Variants in BBS7 observed in about 807,000 individuals in gnomAD.
BBS7 encodes Bardet-Biedl syndrome 7.
Under a neutral mutation model 90.3 loss-of-function variants are expected in BBS7, and 50 were observed. The observed-to-expected ratio is 0.55, with a 90% CI of 0.44 to 0.70. BBS7 has a LOEUF of 0.70. BBS7 is among the 30% of genes least tolerant of loss of function. The probability of loss-of-function intolerance (pLI) is 0.00; values close to 1 mark genes in which losing one functional copy is unlikely to be tolerated. For missense variants in BBS7, 729 were observed against 838.9 expected (o/e 0.87, Z 1.62); for synonymous variants, 235 against 287.4 (o/e 0.82, Z 1.85).
chr4:121,827,785 T>C, intron 18 of BBS7: 1 of 945,324 alleles, frequency 1.1e-6, no homozygotes, highest in Non-Finnish European at 1.3e-6. Flanking sequence ...ATTTTTATAA[T>C]TCACAATAGC....
chr4:121,841,911 CTGTTA>C (rs1725758424), intron 12 of BBS7, among the ~76,000 whole-genome samples: 3 of 151,928 alleles, frequency 2.0e-5, no homozygotes, highest in Admixed American at 2.0e-4. Flanking sequence ...TATAATACAA[CTGTTA>C]TAAAATCGCT....
chr4:121,870,237 G>A (rs372808420), intron 1 of BBS7, 41 bp downstream of exon 1: 6 of 1,613,010 alleles, frequency 3.7e-6, no homozygotes, highest in African/African-American at 1.3e-5. Flanking sequence ...CCGGGTGCTG[G>A]GCTTGCCCAG....
At chr4:121,842,251 C>CAAAAAA (rs1270788731) in intron 12 of BBS7, among the ~76,000 whole-genome samples, 89 of 65,124 alleles carry the variant, frequency 1.4e-3, no homozygotes, top group East Asian at 2.4e-3. Flanking sequence ...GACTCCATCT[C>CAAAAAA]AAAAAAAAAA....
chr4:121,858,595 G>A, intron 5 of BBS7: 1 of 201,402 alleles, frequency 5.0e-6, no homozygotes, highest in South Asian at 8.8e-5. Context: ...ATAAACACTG[G>A]ATAAACTCAA....
chr4:121,834,505 T>C (rs552370102), intron 14 of BBS7, among the ~76,000 whole-genome samples: 1 of 152,322 alleles, frequency 6.6e-6, no homozygotes, highest in South Asian at 2.1e-4. Context: ...TTTAGTCCTT[T>C]TATCAGCAAG....
In BBS7 at chr4:121,845,694, T is replaced by C. The variant is rs1343706484; in HGVS notation, c.1040A>G (p.Asn347Ser). ...EMQNKISSLR[N>S]ELEHLQYKVL... ...CTTATACTGCAAATGTTCCAACTCATTCCTGGAGAAAAACACATACAAATT... is the reference window on the plus strand; with the variant it reads ...CTTATACTGCAAATGTTCCAACTCACTCCTGGAGAAAAACACATACAAATT... Residue 347 changes from asparagine to serine, a missense_variant and splice_region_variant, in exon 11 of 19, where the codon AAT becomes AGT. By Grantham distance (46) the Asn-to-Ser change is conservative. Coordinates refer to ENST00000264499, the MANE Select transcript of BBS7 (RefSeq NM_176824.3). 2 of 1,611,180 alleles carry C rather than the reference T, an allele frequency of 1.2e-6. No homozygotes were observed. The highest frequency in any genetic ancestry group is 2.2e-5 in the South Asian group (2 of 90,970).
intron 12 of BBS7, 66 bp downstream of exon 12, chr4:121,843,861 G>T: frequency 1.9e-6 from 2 of 1,038,596 alleles, no homozygotes; most frequent in South Asian, 2.7e-5. Context: ...AGCATCTATA[G>T]ACTTTAATCA....
intron 2 of BBS7, among the ~76,000 whole-genome samples, chr4:121,865,677 A>T (rs1446140588): frequency 6.6e-6 from 1 of 152,202 alleles, no homozygotes; most frequent in Non-Finnish European, 1.5e-5. Context: ...ATAAAACATG[A>T]GGCTGCAGTT....
intron 12 of BBS7, among the ~76,000 whole-genome samples, chr4:121,840,837 AT>A (rs1260236628): frequency 6.6e-6 from 1 of 150,630 alleles, no homozygotes; most frequent in Non-Finnish European, 1.5e-5. Context: ...AAGTAAATAT[AT>A]TCTTTTTTTT....
At chr4:121,826,946 T>C (rs1724944399) in intron 18 of BBS7, among the ~76,000 whole-genome samples, 1 of 152,220 alleles carries the variant, frequency 6.6e-6, no homozygotes, top group African/African-American at 2.4e-5. Flanking sequence ...ATCGCGCCAC[T>C]GACTCCAGCC....
At position 121,833,383 on chromosome 4, in the gene BBS7, TG is replaced by T; in HGVS notation, c.1523del (p.Thr508AsnfsTer2). 6.2e-7 allele frequency: 1 copy of T among 1,613,982 alleles called. No individual in the cohort carries two copies. Among genetic ancestry groups the T allele is most frequent in the Non-Finnish European group, 8.5e-7 (1 of 1,179,908 alleles). On this transcript the variant is annotated frameshift_variant, in exon 15 of 19. Transcript: ENST00000264499. LOFTEE classifies it high-confidence loss of function. ...HFIDHDRPMN[T>X]LTLTGQFSFA... Reference sequence around the variant, plus strand: ...AACTGAACTGGCCTGTTAGGGTCAGTGTATTCATGGGTCTGTAATATAATAG... The same window carrying T: ...AACTGAACTGGCCTGTTAGGGTCAGTTATTCATGGGTCTGTAATATAATAG...
At chr4:121,867,419 T>C (rs761464421) in intron 2 of BBS7, among the ~76,000 whole-genome samples, 2 of 152,294 alleles carry the variant, frequency 1.3e-5, no homozygotes, top group East Asian at 3.9e-4. Flanking sequence ...TTCTTTTTCT[T>C]GTATAATTGC....
intron 18 of BBS7, 85 bp from the exon 19 acceptor site, chr4:121,826,078 C>A: frequency 1.7e-6 from 2 of 1,154,908 alleles, no homozygotes; most frequent in Non-Finnish European, 1.2e-6. Flanking sequence ...GCTTGATAAT[C>A]TATTTTTAAG....
At chr4:121,844,079 T>G (rs1341014793) in intron 11 of BBS7, 78 bp from the exon 12 acceptor site, 3 of 850,382 alleles carry the variant, frequency 3.5e-6, no homozygotes, top group Non-Finnish European at 5.7e-6. Context: ...TCTCTAAGAG[T>G]TCTCCTTAGT....
chr4:121,826,020 G>A (rs2149045823), intron 18 of BBS7, 27 bp from the exon 19 acceptor site: 1 of 1,551,972 alleles, frequency 6.4e-7, no homozygotes, highest in East Asian at 2.3e-5. Flanking sequence ...TAAATTTCCT[G>A]TCAGTGATTA....
At chr4:121,856,375 C>T (rs1457942910) in intron 5 of BBS7, among the ~76,000 whole-genome samples, 5 of 152,166 alleles carry the variant, frequency 3.3e-5, no homozygotes, top group African/African-American at 4.8e-5. Context: ...GTTAGAAGTA[C>T]TTATACTCAC....
At chr4:121,863,856 T>C (rs894623801) in intron 2 of BBS7, among the ~76,000 whole-genome samples, 8 of 152,172 alleles carry the variant, frequency 5.3e-5, no homozygotes, top group African/African-American at 1.9e-4. Flanking sequence ...ATGAATTGTT[T>C]TGAAATAAAT....
At chr4:121,852,013 A>T (rs1726347937) in intron 8 of BBS7, among the ~76,000 whole-genome samples, 1 of 152,246 alleles carries the variant, frequency 6.6e-6, no homozygotes, top group African/African-American at 2.4e-5. Flanking sequence ...AAAGCAGGAG[A>T]TCATCAACAA....
chr4:121,829,363 T>G (rs1360152624), intron 15 of BBS7, among the ~76,000 whole-genome samples: 1 of 152,022 alleles, frequency 6.6e-6, no homozygotes, highest in South Asian at 2.1e-4. Flanking sequence ...GCCTCCCAAG[T>G]AGCTGGGATT....
Sources: allele counts gnomAD v4.1 joint callset (sites outside exome capture counted in the v4.1 genomes callset), GRCh38; gene constraint gnomAD v4.1.1; transcripts MANE v1.5; gene names NCBI Gene and HGNC (gene_info 2026-07-23, HGNC 2026-07-21).